GALNT17: variants seen among roughly 807,000 people sequenced by gnomAD.
GALNT17 encodes the protein polypeptide N-acetylgalactosaminyltransferase 17, also known as UDP-GalNAc:polypeptide N-acetylgalactosaminyltransferase-like 3.
A neutral mutation model predicts 63.7 loss-of-function variants in GALNT17; 29 were observed. The ratio of observed to expected loss-of-function variants is 0.46; its 90% CI spans 0.34 to 0.62. The LOEUF (loss-of-function observed/expected upper bound fraction) is 0.62, where lower values mean the gene tolerates loss of function less well. Among genes scored for constraint, GALNT17 ranks in the 20% least tolerant of loss-of-function variants. The probability of loss-of-function intolerance (pLI) is 0.01; values close to 1 mark genes in which losing one functional copy is unlikely to be tolerated. For missense variants in GALNT17, 603 were observed against 799.6 expected (o/e 0.75, Z 2.97); for synonymous variants, 305 against 318.3 (o/e 0.96, Z 0.45).
chr7:71,326,193 C>T (rs2116035852), intron 1 of GALNT17, among the ~76,000 whole-genome samples: 1 of 152,300 alleles, frequency 6.6e-6, no homozygotes, highest in South Asian at 2.1e-4. Context: ...TACAGTGGCT[C>T]ATGCCTGTAA....
At chr7:71,307,345 G>A (rs1562989188) in intron 1 of GALNT17, among the ~76,000 whole-genome samples, 1 of 151,918 alleles carries the variant, frequency 6.6e-6, no homozygotes, top group Admixed American at 6.6e-5. Flanking sequence ...GTGTGAGGTG[G>A]TATCTCATTG....
chr7:71,666,303 C>T (rs548568472), intron 7 of GALNT17, among the ~76,000 whole-genome samples: 32 of 149,534 alleles, frequency 2.1e-4, no homozygotes, highest in African/African-American at 7.6e-4. Flanking sequence ...AGTATAACCT[C>T]CTGTGTGTGT....
At chr7:71,183,302 T>C (rs1788768888) in intron 1 of GALNT17, among the ~76,000 whole-genome samples, 2 of 152,284 alleles carry the variant, frequency 1.3e-5, no homozygotes, top group South Asian at 4.1e-4. Context: ...AGTGTAGCTC[T>C]TGAAGACAGA....
At chr7:71,373,634 G>A (rs1443069162) in intron 2 of GALNT17, among the ~76,000 whole-genome samples, 2 of 152,178 alleles carry the variant, frequency 1.3e-5, no homozygotes, top group South Asian at 2.1e-4. Flanking sequence ...CGGCAGCATT[G>A]AATGCTCATA....
chr7:71,176,615 GCTT>G (rs1421435862), intron 1 of GALNT17, among the ~76,000 whole-genome samples: 2 of 152,142 alleles, frequency 1.3e-5, no homozygotes, highest in East Asian at 1.9e-4. Flanking sequence ...CACAGAGGTA[GCTT>G]CTTCTTGGAA....
chr7:71,173,499 G>A (rs1004162921), intron 1 of GALNT17, among the ~76,000 whole-genome samples: 2 of 152,138 alleles, frequency 1.3e-5, no homozygotes, highest in African/African-American at 4.8e-5. Flanking sequence ...TCAATGGTCG[G>A]GTGTGGTTCA....
chr7:71,343,389 C>A (rs1401109066), intron 2 of GALNT17, among the ~76,000 whole-genome samples: 2 of 152,152 alleles, frequency 1.3e-5, no homozygotes, highest in Non-Finnish European at 2.9e-5. Flanking sequence ...TGTTTTATTG[C>A]TATATTACAC....
intron 6 of GALNT17, among the ~76,000 whole-genome samples, chr7:71,597,430 C>T (rs1016309661): frequency 7.9e-5 from 12 of 152,130 alleles, no homozygotes; most frequent in South Asian, 4.2e-4. Context: ...ATCACTTGAG[C>T]CCAGAAGTTG....
chr7:71,367,453 G>A (rs977716294), intron 2 of GALNT17, among the ~76,000 whole-genome samples: 1 of 152,198 alleles, frequency 6.6e-6, no homozygotes, highest in African/African-American at 2.4e-5. Flanking sequence ...CAGCCGAGAA[G>A]GGAACCTATT....
At chr7:71,218,081 T>C (rs955850343) in intron 1 of GALNT17, among the ~76,000 whole-genome samples, 1 of 152,040 alleles carries the variant, frequency 6.6e-6, no homozygotes, top group Non-Finnish European at 1.5e-5. Context: ...ATAAAATAAA[T>C]GTATAAGTTT....
chr7:71,620,581 A>C (rs1482295828), intron 6 of GALNT17, among the ~76,000 whole-genome samples: 1 of 152,208 alleles, frequency 6.6e-6, no homozygotes, highest in African/African-American at 2.4e-5. Context: ...TGGAATTAAC[A>C]AAAAAAGGCA....
At chr7:71,500,664 C>G (rs1788166179) in intron 5 of GALNT17, among the ~76,000 whole-genome samples, 1 of 152,176 alleles carries the variant, frequency 6.6e-6, no homozygotes, top group Admixed American at 6.5e-5. Context: ...GGCATCAGAA[C>G]CTGCAGCACA....
chr7:71,424,904 G>A (rs142047050), intron 5 of GALNT17, among the ~76,000 whole-genome samples: 2 of 152,258 alleles, frequency 1.3e-5, no homozygotes, highest in East Asian at 1.9e-4. Flanking sequence ...GAGACTTCCC[G>A]GTAAGCAACA....
At chr7:71,672,786 A>G (rs1791089762) in intron 8 of GALNT17, among the ~76,000 whole-genome samples, 3 of 152,176 alleles carry the variant, frequency 2.0e-5, no homozygotes, top group Non-Finnish European at 4.4e-5. Context: ...CCTGACCTCA[A>G]GTGATCCACT....
At chr7:71,525,028 TCTC>T (rs1788600622) in intron 5 of GALNT17, among the ~76,000 whole-genome samples, 1 of 152,220 alleles carries the variant, frequency 6.6e-6, no homozygotes, top group Admixed American at 6.5e-5. Flanking sequence ...GTTTTTATCT[TCTC>T]TGGTGATTTG....
At chr7:71,134,121 G>C (rs949623864) in intron 1 of GALNT17, among the ~76,000 whole-genome samples, 1 of 152,324 alleles carries the variant, frequency 6.6e-6, no homozygotes, top group Non-Finnish European at 1.5e-5. Context: ...TAAGCGAGGG[G>C]AGGTTAACTA....
In GALNT17 at chr7:71,629,756, C is replaced by G. The variant is rs1198804178; in HGVS notation, c.1081-35655C>G. On this transcript the variant is annotated intron_variant, in intron 6 of 10. Transcript: ENST00000333538. ...GCCTCAGCTTCCCAAGTAGCTGGGA[C>G]AGCAGGCACAAGCCACCATGCCTGA... Among the ~76,000 whole-genome samples the G allele has an allele frequency of 2.0e-5, 3 of 152,190 alleles. No homozygotes were observed. The East Asian group carries it at 5.8e-4, about 29-fold the overall frequency.
chr7:71,200,545 A>G (rs1283155200), intron 1 of GALNT17, among the ~76,000 whole-genome samples: 2 of 152,212 alleles, frequency 1.3e-5, no homozygotes, highest in Non-Finnish European at 2.9e-5. Flanking sequence ...AAAGTGTTCA[A>G]AAACTTGAGT....
intron 5 of GALNT17, among the ~76,000 whole-genome samples, chr7:71,546,376 G>A (rs1009024233): frequency 9.9e-5 from 15 of 151,898 alleles, no homozygotes; most frequent in Non-Finnish European, 2.1e-4. Context: ...TGCCCAGGCT[G>A]GTCTCAAACT....
Sources: gnomAD v4.1 joint callset for allele counts (sites outside exome capture counted in the v4.1 genomes callset) on GRCh38, gnomAD v4.1.1 for gene constraint, MANE v1.5 for transcripts, NCBI Gene and HGNC (gene_info 2026-07-23, HGNC 2026-07-21) for gene names.